The following ARL5C variants were observed in gnomAD, a reference collection of about 807,000 sequenced individuals.
ARL5C encodes the protein ARF like GTPase 5C, also known as putative ADP-ribosylation factor-like protein 5C.
In ARL5C, 21 loss-of-function variants were observed where a neutral mutation model predicts 20.8. The ratio of observed to expected loss-of-function variants is 1.01; its 90% CI spans 0.72 to 1.46. The LOEUF (loss-of-function observed/expected upper bound fraction) is 1.46. Ranked by LOEUF, ARL5C falls within the 40% of genes most tolerant of loss-of-function variation. The probability of loss-of-function intolerance (pLI) is 0.00; values close to 1 mark genes in which losing one functional copy is unlikely to be tolerated. For missense variants in ARL5C, 199 were observed against 225.1 expected (o/e 0.88, Z 0.74); for synonymous variants, 71 against 81.6 (o/e 0.87, Z 0.70).
chr17:39,159,189 A>C (rs528465755), intron 5 of ARL5C, among the ~76,000 whole-genome samples: 1 of 135,698 alleles, frequency 7.4e-6, no homozygotes, highest in African/African-American at 2.8e-5. Flanking sequence ...GTGCCACCAC[A>C]TCCAGCGGTT....
chr17:39,158,101 AAGGGAAGGAGGGAGGGAGGG>A (rs1443526770), intron 5 of ARL5C, among the ~76,000 whole-genome samples: 1 of 134,680 alleles, frequency 7.4e-6, no homozygotes, highest in Non-Finnish European at 1.6e-5. Context: ...CCGTCGAAGA[AAGGGAAGGAGGGAGGGAGGG>A]AGGGAGGGAG....
At position 39,165,996 on chromosome 17, in the gene ARL5C, G is replaced by T. The variant is rs1371862485; in HGVS notation, c.-236C>A. 1 of 555,482 alleles carries T rather than the reference G, an allele frequency of 1.8e-6. No individual in the cohort carries two copies. Among genetic ancestry groups the T allele is most frequent in the Non-Finnish European group, 3.2e-6 (1 of 310,302 alleles). The allele number at this position is 555,482 out of a possible 1,614,324, so 34.4% of individuals were successfully genotyped here. A position where few individuals can be genotyped will look rare whatever the true frequency, so the allele number is the denominator to read the frequency against. On this transcript the variant is annotated 5_prime_UTR_variant, in exon 1 of 6. Transcript: ENST00000269586. ...CCTGTCCCGGGCCCAAGAGGTGCAA[G>T]GAATATGGGGGTTCCAGGCTCCAGC...
chr17:39,157,311 TG>T (rs1170475764), intron 5 of ARL5C, among the ~76,000 whole-genome samples: 1 of 152,214 alleles, frequency 6.6e-6, no homozygotes, highest in Non-Finnish European at 1.5e-5. Context: ...CTCACCTTGC[TG>T]GGCCCCTTAG....
chr17:39,165,186 C>T (rs1206296554), intron 1 of ARL5C, 47 bp from the exon 2 acceptor site: 1 of 1,540,810 alleles, frequency 6.5e-7, no homozygotes. Context: ...ACCCGAAGAC[C>T]AAGGGACTGT....
chr17:39,165,637 C>G (rs753928324), intron 1 of ARL5C, 78 bp downstream of exon 1: 4 of 1,525,804 alleles, frequency 2.6e-6, no homozygotes, highest in Non-Finnish European at 3.6e-6. Flanking sequence ...TCCCCCCGTG[C>G]GTCCGACCAC....
downstream of ARL5C, chr17:39,156,783 G>T: frequency 7.9e-7 from 1 of 1,270,802 alleles, no homozygotes; most frequent in Non-Finnish European, 1.1e-6. Flanking sequence ...GTCCATAGCA[G>T]CCACTGCTCC....
intron 2 of ARL5C, among the ~76,000 whole-genome samples, chr17:39,163,345 C>CCTTTCTTTCTTTCTTTCTCTCTTTCTTT (rs2045444113): frequency 1.5e-5 from 2 of 136,864 alleles, no homozygotes; most frequent in Middle Eastern, 3.6e-3. Context: ...CAGGCTTTTG[C>CCTTTCTTTCTTTCTTTCTCTCTTTCTTT]CTTTCTTTCT....
intron 4 of ARL5C, 141 bp downstream of exon 4, chr17:39,161,127 C>A: frequency 2.5e-6 from 2 of 792,548 alleles, no homozygotes; most frequent in Non-Finnish European, 2.1e-6. Flanking sequence ...TCATCAGGCA[C>A]AAACCAGCCC....
chr17:39,162,202 G>C (rs2045438488), intron 3 of ARL5C, among the ~76,000 whole-genome samples: 1 of 152,198 alleles, frequency 6.6e-6, no homozygotes, highest in Non-Finnish European at 1.5e-5. Flanking sequence ...TTAACAGGCA[G>C]GCACTGCACT....
chr17:39,159,465 T>G (rs890230786), intron 5 of ARL5C, among the ~76,000 whole-genome samples: 1 of 151,582 alleles, frequency 6.6e-6, no homozygotes, highest in Non-Finnish European at 1.5e-5. Flanking sequence ...CCCGGCTAAT[T>G]TTTGTATTTT....
At chr17:39,161,660 C>T (rs1293638241) in intron 3 of ARL5C, among the ~76,000 whole-genome samples, 7 of 151,950 alleles carry the variant, frequency 4.6e-5, no homozygotes, top group African/African-American at 7.3e-5. Context: ...ATTACAGGCG[C>T]GTGCCACCAC....
In ARL5C at chr17:39,160,733, C is replaced by G; in HGVS notation, c.349G>C (p.Asp117His). 6.4e-7 allele frequency: 1 copy of G among 1,551,418 alleles called. No individual in the cohort carries two copies. The highest frequency in any genetic ancestry group is 8.7e-7 in the Non-Finnish European group (1 of 1,146,964). Residue 117 changes from aspartate (D) to histidine (H), a missense_variant, in exon 5 of 6, where the codon GAT becomes CAT. By Grantham distance (81) the Asp-to-His change is moderately conservative (BLOSUM62 -1). Transcript: ENST00000269586. ...TTGGCAAATATCAGGACTGAAGCAT[C>G]CTGTAGAGCCTGTGGACAGAGGAGC... ...YKMLAHEALQ[D>H]ASVLIFANKQ...
intron 5 of ARL5C, among the ~76,000 whole-genome samples, chr17:39,158,129 GAGGAAGGA>G (rs1175373148): frequency 7.4e-5 from 7 of 94,668 alleles, no homozygotes; most frequent in East Asian, 3.6e-4. Flanking sequence ...GGGAGGGAGG[GAGGAAGGA>G]AGGAAGGAAG....
Position 39,159,652 on chromosome 17 carries a change from G to A in ARL5C, c.491+939C>T, listed in dbSNP as rs77736286. Among the ~76,000 whole-genome samples the A allele has an allele frequency of 7.9e-5, 12 of 152,246 alleles. 1 individual carries two copies. In the East Asian group the frequency reaches 2.1e-3, roughly 27 times the overall value. ...TGTTTATCATCTGCCTCCCCTACCG[G>A]AAAGTAAGCTCCGTGAGGGCAGGGA... is the stretch of plus-strand genomic sequence containing the variant. On this transcript the variant is annotated intron_variant, in intron 5 of 5. Transcript: ENST00000269586.
chr17:39,161,394 G>A, intron 3 of ARL5C, 43 bp from the exon 4 acceptor site: 1 of 1,524,516 alleles, frequency 6.6e-7, no homozygotes, highest in Non-Finnish European at 8.9e-7. Context: ...CTTTCTCTTT[G>A]GTAAATGTGT....
intron 2 of ARL5C, among the ~76,000 whole-genome samples, chr17:39,164,756 T>A (rs1373900418): frequency 1.3e-5 from 2 of 150,964 alleles, no homozygotes; most frequent in Non-Finnish European, 3.0e-5. Flanking sequence ...GGGACAGGGG[T>A]GAGAAAGGAG....
At position 39,162,679 on chromosome 17, in the gene ARL5C, TGGAGACCCTTCAG is replaced by T. The variant is rs774291243; in HGVS notation, c.255+19_255+31del. 6.5e-7 allele frequency: 1 copy of T among 1,545,858 alleles called. No homozygotes were observed. The highest frequency in any genetic ancestry group is 1.4e-5 in the African/African-American group (1 of 73,054). On this transcript the variant is annotated intron_variant, in intron 3 of 5. Transcript: ENST00000269586. ...ACAGTCTGATATCACACGCCTGCCT[TGGAGACCCTTCAG>T]CCCTGGTGCCCTCCTCACCTCAGTG...
At chr17:39,157,101 C>A (rs192845712) in intron 5 of ARL5C, among the ~76,000 whole-genome samples, 159 bp from the exon 6 acceptor site, 146 of 152,350 alleles carry the variant, frequency 9.6e-4, no homozygotes, top group African/African-American at 3.4e-3. Context: ...TGCTGTGCAT[C>A]AGGTACTGTG....
At position 39,161,465 on chromosome 17, in the gene ARL5C, A is replaced by G. The variant is rs533612843; in HGVS notation, c.256-114T>C. On this transcript the variant is annotated intron_variant, in intron 3 of 5. Coordinates refer to ENST00000269586, the MANE Select transcript of ARL5C (RefSeq NM_001143968.1). ...CTGCCCAGATGTCAGCCCCAGAGAA[A>G]TGAAAGCATGCAGCCTCAAGATTTC... 34 of 889,202 alleles carry G rather than the reference A, an allele frequency of 3.8e-5. No homozygotes were observed. In the African/African-American group the frequency reaches 4.4e-4, roughly 12 times the overall value. The allele number at this position is 889,202 out of a possible 1,614,324, so 55.1% of individuals were successfully genotyped here.
Sources: allele counts gnomAD v4.1 joint callset (sites outside exome capture counted in the v4.1 genomes callset), GRCh38; gene constraint gnomAD v4.1.1; transcripts MANE v1.5; gene names NCBI Gene and HGNC (gene_info 2026-07-23, HGNC 2026-07-21).